The following AREL1 variants were observed in gnomAD, a reference collection of about 807,000 sequenced individuals.
AREL1 encodes apoptosis resistant E3 ubiquitin protein ligase 1.
Under a neutral mutation model 99.0 loss-of-function variants are expected in AREL1, and 62 were observed. That is an observed-to-expected ratio of 0.63 (90% CI 0.51 to 0.77). The LOEUF (loss-of-function observed/expected upper bound fraction) is 0.77, where lower values mean the gene tolerates loss of function less well. AREL1 is among the 30% of genes least tolerant of loss of function. The pLI, the probability that AREL1 is intolerant of heterozygous loss-of-function variation, is 0.00. For synonymous variants in AREL1, 380 were observed against 376.5 expected (o/e 1.01, Z -0.11); for missense variants, 879 against 1,027.6 (o/e 0.86, Z 1.98).
At chr14:74,665,778 T>G (rs1211606430) in intron 17 of AREL1, among the ~76,000 whole-genome samples, 1 of 152,202 alleles carries the variant, frequency 6.6e-6, no homozygotes, top group Non-Finnish European at 1.5e-5. Context: ...CTGCAAGTAC[T>G]CATCCAATAG....
intron 5 of AREL1, among the ~76,000 whole-genome samples, chr14:74,679,051 C>T (rs2089565255): frequency 6.6e-6 from 1 of 152,144 alleles, no homozygotes; most frequent in South Asian, 2.1e-4. Context: ...AGGTGCACGC[C>T]ACCACACCCA....
In AREL1 at chr14:74,676,772, A is replaced by C; in HGVS notation, c.482-20T>G. Reference sequence around the variant, plus strand: ...CCATTCCTGGAACAAAGACAATGGAATCTAACATTTATTTATTTTATTTTT... The same window carrying C: ...CCATTCCTGGAACAAAGACAATGGACTCTAACATTTATTTATTTTATTTTT... On this transcript the variant is annotated intron_variant, in intron 5 of 19. Coordinates refer to ENST00000356357, the MANE Select transcript of AREL1 (RefSeq NM_001039479.2). 1.3e-6 allele frequency: 2 copies of C among 1,511,754 alleles called. No homozygotes were observed. Among genetic ancestry groups the C allele is most frequent in the Non-Finnish European group, 1.8e-6 (2 of 1,131,638 alleles). 93.6% of individuals were successfully genotyped at this position (1,511,754 alleles called of 1,614,324 possible).
intron 5 of AREL1, among the ~76,000 whole-genome samples, chr14:74,680,298 GA>G (rs2089601918): frequency 6.6e-6 from 1 of 152,190 alleles, no homozygotes; most frequent in African/African-American, 2.4e-5. Context: ...ACAGGCACAT[GA>G]AAAGATGTTC....
chr14:74,691,643 A>C (rs1388183401), intron 2 of AREL1, among the ~76,000 whole-genome samples: 12 of 152,202 alleles, frequency 7.9e-5, no homozygotes, highest in Non-Finnish European at 1.5e-4. Context: ...CTTGCTTACG[A>C]AGGATCCTGG....
chr14:74,684,719 A>G, intron 3 of AREL1, 39 bp from the exon 4 acceptor site: 1 of 1,578,162 alleles, frequency 6.3e-7, no homozygotes, highest in Non-Finnish European at 8.7e-7. Flanking sequence ...CCTGCCAGTT[A>G]CACATTACAG....
At chr14:74,680,544 G>A (rs1033151013) in intron 5 of AREL1, among the ~76,000 whole-genome samples, 1 of 152,150 alleles carries the variant, frequency 6.6e-6, no homozygotes, top group Non-Finnish European at 1.5e-5. Flanking sequence ...CTCAGCAACT[G>A]CATACTAGAG....
chr14:74,687,124 A>G (rs1453845391), intron 2 of AREL1, among the ~76,000 whole-genome samples: 1 of 152,240 alleles, frequency 6.6e-6, no homozygotes, highest in Non-Finnish European at 1.5e-5. Context: ...GCGGGATGCC[A>G]TTCGATCTGA....
intron 1 of AREL1, chr14:74,712,076 A>T (rs2090318940): frequency 1.4e-5 from 1 of 73,974 alleles, no homozygotes; most frequent in Non-Finnish European, 3.7e-5. Flanking sequence ...AAGAAAAAAA[A>T]AGAAAGAAAG....
At chr14:74,665,230 T>C (rs1318042698) in intron 17 of AREL1, among the ~76,000 whole-genome samples, 2 of 151,490 alleles carry the variant, frequency 1.3e-5, no homozygotes, top group Non-Finnish European at 2.9e-5. Context: ...TATGAGCTTA[T>C]ACAGGAAGAA....
chr14:74,706,649 T>C (rs773338137), intron 1 of AREL1, among the ~76,000 whole-genome samples: 2 of 152,196 alleles, frequency 1.3e-5, no homozygotes, highest in Non-Finnish European at 2.9e-5. Flanking sequence ...TTCAAATGCA[T>C]ATTAAGAAGC....
chr14:74,670,271 G>C, intron 13 of AREL1, 145 bp from the exon 14 acceptor site: 1 of 711,914 alleles, frequency 1.4e-6, no homozygotes, highest in Admixed American at 3.4e-5. Flanking sequence ...TTTTTTGGTA[G>C]CCACCACTGA....
intron 9 of AREL1, 57 bp from the exon 10 acceptor site, chr14:74,673,275 C>T: frequency 6.4e-7 from 1 of 1,573,844 alleles, no homozygotes; most frequent in Non-Finnish European, 8.7e-7. Flanking sequence ...AGTAAAAGTC[C>T]TCCACAGCTC....
At chr14:74,683,909 C>T (rs1180968676) in intron 4 of AREL1, among the ~76,000 whole-genome samples, 1 of 152,184 alleles carries the variant, frequency 6.6e-6, no homozygotes, top group East Asian at 1.9e-4. Context: ...GCAGCACTGG[C>T]AATGAGTGAA....
At chr14:74,673,970 A>T in intron 9 of AREL1, 64 bp downstream of exon 9, 1 of 1,406,402 alleles carries the variant, frequency 7.1e-7, no homozygotes, top group Non-Finnish European at 9.9e-7. Flanking sequence ...AGAAAAAATA[A>T]AAGGCTGAGA....
chr14:74,690,904 G>C (rs985587718), intron 2 of AREL1, among the ~76,000 whole-genome samples: 1 of 151,858 alleles, frequency 6.6e-6, no homozygotes, highest in African/African-American at 2.4e-5. Flanking sequence ...CTGTCACCAC[G>C]ACAACTTGGT....
Position 74,683,312 on chromosome 14 carries a change from G to A in AREL1, c.465C>T (p.Tyr155=). 1 of 1,611,820 alleles carries A rather than the reference G, an allele frequency of 6.2e-7. No individual in the cohort carries two copies. The stretch of plus-strand genomic sequence containing the variant: ...AGAACCTACCAGGTTGAAAAATTTT[G>A]TAGTAGGGACTATATGCCACATTTA... ...GGLNVAYSPY[Y]KIFQPGMVVP... is the part of the protein sequence containing the mutation. Residue 155 remains tyrosine, a synonymous_variant, in exon 5 of 20, where the codon TAC becomes TAT. Transcript: ENST00000356357.
At chr14:74,695,632 T>C (rs749136721) in intron 1 of AREL1, among the ~76,000 whole-genome samples, 96 of 152,266 alleles carry the variant, frequency 6.3e-4, no homozygotes, top group Non-Finnish European at 6.9e-4. Flanking sequence ...AGCCACTTCC[T>C]CCTTTGTGGT....
chr14:74,662,323 T>C lies in AREL1; in HGVS notation c.*1397A>G, dbSNP rs2089103168. ...TCCTGCCTTGTTTCAGGACTCTGTG[T>C]ACTTGCTGGTTTTGGCAATAAAGAT... On this transcript the variant is annotated 3_prime_UTR_variant, in exon 20 of 20. Transcript: ENST00000356357. 3 of 353,896 alleles carry C rather than the reference T, an allele frequency of 8.5e-6. No homozygotes were observed. Among genetic ancestry groups the C allele is most frequent in the Non-Finnish European group, 1.5e-5 (3 of 197,988 alleles). The allele number at this position is 353,896 out of a possible 1,614,324, so 21.9% of individuals were successfully genotyped here. A position where few individuals can be genotyped will look rare whatever the true frequency, so the allele number is the denominator to read the frequency against.
intron 5 of AREL1, among the ~76,000 whole-genome samples, chr14:74,681,177 C>T (rs768223276): frequency 6.6e-6 from 1 of 152,000 alleles, no homozygotes; most frequent in Admixed American, 6.6e-5. Context: ...CAGAGCAAGG[C>T]CCTGTCTCAA....
Sources: gnomAD v4.1 joint callset for allele counts (sites outside exome capture counted in the v4.1 genomes callset) on GRCh38, gnomAD v4.1.1 for gene constraint, MANE v1.5 for transcripts, NCBI Gene and HGNC (gene_info 2026-07-23, HGNC 2026-07-21) for gene names.